The following CALN1 variants were observed in gnomAD, a reference collection of about 807,000 sequenced individuals.
CALN1 encodes the protein calcium-binding protein 8.
CALN1 carries 17 observed loss-of-function variants against 30.6 expected under a neutral mutation model. That is an observed-to-expected ratio of 0.56 (90% confidence interval 0.38 to 0.83). The LOEUF is 0.83. Ranked by LOEUF, CALN1 falls within the 40% of genes least tolerant of loss-of-function variation. CALN1 has a pLI of 0.00. For synonymous variants in CALN1, 156 were observed against 131.4 expected (o/e 1.19, Z -1.28); for missense variants, 291 against 354.9 (o/e 0.82, Z 1.45).
At chr7:71,903,900 G>T (rs1466385534) in intron 5 of CALN1, among the ~76,000 whole-genome samples, 1 of 151,972 alleles carries the variant, frequency 6.6e-6, no homozygotes, top group Non-Finnish European at 1.5e-5. Flanking sequence ...CTGAATAGAT[G>T]ATTTTTTCAA....
At chr7:72,088,783 A>C (rs1805658451) in intron 4 of CALN1, among the ~76,000 whole-genome samples, 1 of 59,678 alleles carries the variant, frequency 1.7e-5, no homozygotes. Context: ...AAGAGAAGGA[A>C]GGGAAGGAAG....
intron 3 of CALN1, among the ~76,000 whole-genome samples, chr7:72,202,160 A>G (rs1428068245): frequency 6.6e-6 from 1 of 152,210 alleles, no homozygotes; most frequent in African/African-American, 2.4e-5. Flanking sequence ...GCAAGAAACC[A>G]AAAAGCATTT....
intron 5 of CALN1, among the ~76,000 whole-genome samples, chr7:71,857,012 A>G (rs1197457442): frequency 2.4e-5 from 3 of 123,054 alleles, no homozygotes; most frequent in Non-Finnish European, 3.2e-5. Context: ...TGGTGTGTAT[A>G]TGTATGTGTG....
intron 5 of CALN1, among the ~76,000 whole-genome samples, chr7:71,953,584 C>T (rs1445535146): frequency 8.6e-5 from 13 of 151,984 alleles, no homozygotes; most frequent in Admixed American, 7.9e-4. Context: ...TGCTTTCACG[C>T]CTATTAACAG....
In CALN1 at chr7:72,098,589, T is replaced by C. The variant is rs984455547; in HGVS notation, c.388+7562A>G. On this transcript the variant is annotated intron_variant, in intron 4 of 6. Transcript: ENST00000395275. ...TGGGTGGGGTTGCACACACCTGTAGTCCCAGCCATTTGGGAGGCTGAGGTG... is the reference window on the plus strand; with the variant it reads ...TGGGTGGGGTTGCACACACCTGTAGCCCCAGCCATTTGGGAGGCTGAGGTG... Among the ~76,000 whole-genome samples, 10 of 152,150 alleles carry C rather than the reference T, an allele frequency of 6.6e-5. No homozygotes were observed. The East Asian group carries it at 7.8e-4, about 12-fold the overall frequency.
At chr7:71,846,650 T>C (rs1401379147) in intron 5 of CALN1, among the ~76,000 whole-genome samples, 1 of 151,326 alleles carries the variant, frequency 6.6e-6, no homozygotes. Flanking sequence ...TGTGCAGAAA[T>C]TTTCTGTGCA....
intron 1 of CALN1, among the ~76,000 whole-genome samples, chr7:72,403,756 T>C (rs758524809): frequency 6.6e-6 from 1 of 152,190 alleles, no homozygotes; most frequent in Non-Finnish European, 1.5e-5. Flanking sequence ...GAGAAAGCTA[T>C]AGCCGCCAAA....
At chr7:72,239,756 A>T (rs1794715711) in intron 3 of CALN1, among the ~76,000 whole-genome samples, 1 of 152,150 alleles carries the variant, frequency 6.6e-6, no homozygotes, top group Non-Finnish European at 1.5e-5. Context: ...TAGCTCCTAC[A>T]TGTGCCCTCG....
chr7:71,844,922 C>T (rs907027767), intron 5 of CALN1, among the ~76,000 whole-genome samples: 5 of 152,052 alleles, frequency 3.3e-5, no homozygotes, highest in Non-Finnish European at 7.4e-5. Context: ...CAGAATCTTG[C>T]TCTGTTGCCC....
chr7:71,816,731 C>T (rs957720590), intron 5 of CALN1, among the ~76,000 whole-genome samples: 15 of 152,014 alleles, frequency 9.9e-5, no homozygotes, highest in African/African-American at 1.7e-4. Flanking sequence ...GGGCAGATCA[C>T]GAGGTCAGGA....
At chr7:72,315,477 C>A (rs967182471) in intron 2 of CALN1, among the ~76,000 whole-genome samples, 2 of 151,962 alleles carry the variant, frequency 1.3e-5, no homozygotes, top group Non-Finnish European at 2.9e-5. Flanking sequence ...GAGGCCGAGG[C>A]GGGAAGATCA....
chr7:72,054,288 T>A (rs1584840787), intron 4 of CALN1, among the ~76,000 whole-genome samples: 1 of 151,796 alleles, frequency 6.6e-6, no homozygotes, highest in South Asian at 2.1e-4. Context: ...GACTTTTTCA[T>A]AGTAGCCATT....
chr7:72,289,376 T>C (rs904132207), intron 2 of CALN1, among the ~76,000 whole-genome samples: 5 of 152,192 alleles, frequency 3.3e-5, no homozygotes, highest in African/African-American at 9.7e-5. Context: ...CCAGACTTTC[T>C]TGCTACTAAG....
intron 2 of CALN1, among the ~76,000 whole-genome samples, chr7:72,344,228 A>G (rs2129558932): frequency 6.6e-6 from 1 of 152,196 alleles, no homozygotes; most frequent in Admixed American, 6.5e-5. Flanking sequence ...TTGGAGAGAG[A>G]CAAGCCACCC....
At position 71,787,647 on chromosome 7, in the gene CALN1, T is replaced by C. The variant is rs1793050164; in HGVS notation, c.*128A>G. 3 of 1,364,806 alleles carry C rather than the reference T, an allele frequency of 2.2e-6. No homozygotes were observed. The African/African-American group carries it at 4.3e-5, about 20-fold the overall frequency. 84.5% of individuals were successfully genotyped at this position (1,364,806 alleles called of 1,614,324 possible). On this transcript the variant is annotated 3_prime_UTR_variant, in exon 7 of 7. Transcript: ENST00000395275. ...TTGCACTCAACCTTGGGTTCTTTACTGAACGGTTCCATCGTCCGCATCCAT... is the reference window on the plus strand; with the variant it reads ...TTGCACTCAACCTTGGGTTCTTTACCGAACGGTTCCATCGTCCGCATCCAT...
chr7:72,465,409 T>C, the CALN1 span, among the ~76,000 whole-genome samples: 3 of 152,228 alleles, frequency 2.0e-5, no homozygotes, highest in Non-Finnish European at 4.4e-5. Flanking sequence ...TAGTAGGCTC[T>C]AGCAGTGACC....
At chr7:72,285,916 T>C (rs1342353492) in intron 2 of CALN1, among the ~76,000 whole-genome samples, 1 of 152,176 alleles carries the variant, frequency 6.6e-6, no homozygotes, top group East Asian at 1.9e-4. Flanking sequence ...AATATTGATC[T>C]TGCATGCTAA....
the CALN1 span, among the ~76,000 whole-genome samples, chr7:72,483,289 T>TC: frequency 6.9e-5 from 10 of 144,780 alleles, 1 homozygote; most frequent in African/African-American, 2.3e-4. Context: ...TCTTTTTTTT[T>TC]TTTTTTTTTT....
At chr7:72,193,674 TG>T (rs1454694864) in intron 3 of CALN1, among the ~76,000 whole-genome samples, 5 of 152,134 alleles carry the variant, frequency 3.3e-5, no homozygotes, top group African/African-American at 1.2e-4. Context: ...TGTAGCACAG[TG>T]GTAAGCATCT....
Sources: gnomAD v4.1 joint callset for allele counts (sites outside exome capture counted in the v4.1 genomes callset) on GRCh38, gnomAD v4.1.1 for gene constraint, MANE v1.5 for transcripts, NCBI Gene and HGNC (gene_info 2026-07-23, HGNC 2026-07-21) for gene names.